Variants in SCFD2 observed in about 807,000 individuals in gnomAD.
SCFD2 encodes the protein sec1 family domain-containing protein 2.
In SCFD2, 54 loss-of-function variants were observed where a neutral mutation model predicts 58.9. The observed-to-expected ratio is 0.92, with a 90% CI of 0.74 to 1.15. The LOEUF is 1.15. Ranked by LOEUF, SCFD2 falls within the 50% of genes most tolerant of loss-of-function variation. The pLI, the probability that SCFD2 is intolerant of heterozygous loss-of-function variation, is 0.00. For synonymous variants in SCFD2, 321 were observed against 335.9 expected, an observed-to-expected ratio of 0.96 and a Z score of 0.49; for missense variants, 805 against 836.6, an observed-to-expected ratio of 0.96 and a Z score of 0.47.
chr4:53,284,595 C>A (rs1731607727), intron 3 of SCFD2, among the ~76,000 whole-genome samples: 1 of 152,080 alleles, frequency 6.6e-6, no homozygotes, highest in South Asian at 2.1e-4. Context: ...ATTACTATCA[C>A]TATTTGTACA....
At chr4:53,347,317 T>A (rs1276785396) in intron 2 of SCFD2, among the ~76,000 whole-genome samples, 5 of 152,180 alleles carry the variant, frequency 3.3e-5, no homozygotes, top group Non-Finnish European at 7.3e-5. Context: ...CCTGGCAGCA[T>A]CCATCACCAT....
At chr4:52,955,996 G>A (rs984944700) in intron 5 of SCFD2, 1 of 454,092 alleles carries the variant, frequency 2.2e-6, no homozygotes, top group Non-Finnish European at 4.4e-6. Flanking sequence ...GCTGTGGTCA[G>A]CAACACCATG....
At chr4:53,339,284 A>G (rs1733785294) in intron 2 of SCFD2, among the ~76,000 whole-genome samples, 1 of 151,698 alleles carries the variant, frequency 6.6e-6, no homozygotes, top group Non-Finnish European at 1.5e-5. Context: ...AACAGTTAAA[A>G]TTACATCAGT....
chr4:53,092,160 T>C (rs1313922817), intron 5 of SCFD2, among the ~76,000 whole-genome samples: 1 of 152,186 alleles, frequency 6.6e-6, no homozygotes, highest in African/African-American at 2.4e-5. Flanking sequence ...CAGAATACAA[T>C]AGGCCAAGCC....
chr4:53,036,343 A>G (rs1460191301), intron 5 of SCFD2, among the ~76,000 whole-genome samples: 2 of 151,658 alleles, frequency 1.3e-5, no homozygotes, highest in African/African-American at 4.8e-5. Flanking sequence ...TTTGCTTAGA[A>G]TGATGGTTTC....
chr4:53,122,605 C>T (rs958376526), intron 5 of SCFD2, among the ~76,000 whole-genome samples: 2 of 152,260 alleles, frequency 1.3e-5, no homozygotes, highest in South Asian at 2.1e-4. Flanking sequence ...AGGCAATACA[C>T]GCAGACATAA....
intron 5 of SCFD2, among the ~76,000 whole-genome samples, chr4:52,966,765 A>C (rs1435439195): frequency 2.0e-5 from 3 of 152,190 alleles, no homozygotes; most frequent in African/African-American, 7.2e-5. Flanking sequence ...TTAGTGAACC[A>C]ATATTGATAC....
At chr4:52,922,823 C>G (rs1378399047) in intron 5 of SCFD2, among the ~76,000 whole-genome samples, 2 of 152,208 alleles carry the variant, frequency 1.3e-5, no homozygotes, top group African/African-American at 4.8e-5. Flanking sequence ...TACATTCCCA[C>G]CAACAGTGTA....
At chr4:53,310,717 C>T (rs1437610812) in intron 3 of SCFD2, among the ~76,000 whole-genome samples, 2 of 152,140 alleles carry the variant, frequency 1.3e-5, no homozygotes, top group African/African-American at 4.8e-5. Flanking sequence ...TGTCTTTTAG[C>T]AATTAAACAT....
chr4:53,049,364 T>A (rs1465438423), intron 5 of SCFD2, among the ~76,000 whole-genome samples: 8 of 151,800 alleles, frequency 5.3e-5, no homozygotes, highest in Non-Finnish European at 1.0e-4. Context: ...GTACTAATAG[T>A]AACAATCACA....
At chr4:53,109,785 C>A (rs540224595) in intron 5 of SCFD2, among the ~76,000 whole-genome samples, 14 of 152,164 alleles carry the variant, frequency 9.2e-5, no homozygotes, top group African/African-American at 2.9e-4. Context: ...ATGAAAATGG[C>A]CATATTGTCC....
chr4:53,255,240 T>C (rs1730568852), intron 4 of SCFD2, among the ~76,000 whole-genome samples: 2 of 148,582 alleles, frequency 1.3e-5, no homozygotes, highest in Non-Finnish European at 3.0e-5. Context: ...TTATGGATCA[T>C]TCTTGGGTGT....
chr4:52,905,032 C>A (rs1285062708), intron 7 of SCFD2, among the ~76,000 whole-genome samples: 1 of 152,178 alleles, frequency 6.6e-6, no homozygotes, highest in African/African-American at 2.4e-5. Context: ...TTGGCTGAAC[C>A]GTGATACACA....
intron 7 of SCFD2, among the ~76,000 whole-genome samples, chr4:52,901,127 C>T (rs1719187644): frequency 6.6e-6 from 1 of 152,244 alleles, no homozygotes; most frequent in Non-Finnish European, 1.5e-5. Flanking sequence ...TTGGCTCATG[C>T]ACGGTGCACT....
In SCFD2 at chr4:53,311,372, T is replaced by A. The variant is rs551981619; in HGVS notation, c.1135+2264A>T. Reference sequence around the variant, plus strand: ...GCAAACAATTCTATCTTAAAAAAAATTTTTTTTTTTGATTGACAGAAAACT... The same window carrying A: ...GCAAACAATTCTATCTTAAAAAAAAATTTTTTTTTTGATTGACAGAAAACT... On this transcript the variant is annotated intron_variant, in intron 3 of 8. Coordinates refer to ENST00000401642, the MANE Select transcript of SCFD2 (RefSeq NM_152540.4). Among the ~76,000 whole-genome samples, 856 of 146,044 alleles carry A rather than the reference T, an allele frequency of 5.9e-3. 4 individuals carry two copies. Among genetic ancestry groups the A allele is most frequent in the Non-Finnish European group, 9.1e-3 (592 of 65,274 alleles).
At chr4:53,259,164 T>A (rs190081729) in intron 4 of SCFD2, among the ~76,000 whole-genome samples, 149 of 152,374 alleles carry the variant, frequency 9.8e-4, no homozygotes, top group African/African-American at 3.5e-3. Context: ...TCCCACTCTG[T>A]GGGTTGTCTA....
chr4:53,161,713 G>A (rs1194840613), intron 4 of SCFD2, among the ~76,000 whole-genome samples: 2 of 152,218 alleles, frequency 1.3e-5, no homozygotes, highest in Non-Finnish European at 2.9e-5. Flanking sequence ...GACTTCTTCA[G>A]AGAGCAGAAC....
intron 5 of SCFD2, among the ~76,000 whole-genome samples, chr4:52,981,351 G>T (rs1234755192): frequency 2.0e-5 from 3 of 152,144 alleles, no homozygotes; most frequent in Non-Finnish European, 4.4e-5. Context: ...TAGGCTTTAA[G>T]CATTCTCACA....
chr4:53,217,767 G>A (rs1428438741), intron 4 of SCFD2, among the ~76,000 whole-genome samples: 1 of 152,158 alleles, frequency 6.6e-6, no homozygotes, highest in South Asian at 2.1e-4. Context: ...GCATGTTTTT[G>A]TAGTGGCTGG....
Sources: gnomAD v4.1 joint callset for allele counts (sites outside exome capture counted in the v4.1 genomes callset) on GRCh38, gnomAD v4.1.1 for gene constraint, MANE v1.5 for transcripts, NCBI Gene and HGNC (gene_info 2026-07-23, HGNC 2026-07-21) for gene names.